Variants in P3H1 observed in about 807,000 individuals in gnomAD.
P3H1 encodes growth suppressor 1.
A neutral mutation model predicts 84.0 loss-of-function variants in P3H1; 69 were observed. That is an observed-to-expected ratio of 0.82 (90% CI 0.68 to 1.00). The LOEUF is 1.00. Ranked by LOEUF, P3H1 falls within the 50% of genes least tolerant of loss-of-function variation. The probability of loss-of-function intolerance (pLI) is 0.00; values close to 1 mark genes in which losing one functional copy is unlikely to be tolerated. For missense variants in P3H1, 878 were observed against 962.8 expected (o/e 0.91, Z 1.17); for synonymous variants, 366 against 388.8 (o/e 0.94, Z 0.69).
At chr1:42,765,263 C>T (rs1652928088) in intron 1 of P3H1, among the ~76,000 whole-genome samples, 1 of 152,208 alleles carries the variant, frequency 6.6e-6, no homozygotes, top group Non-Finnish European at 1.5e-5. Flanking sequence ...CTTCTTTCCT[C>T]TCCCCCTGGC....
Position 42,752,271 on chromosome 1 carries a change from T to C in P3H1, c.1569+3A>G, listed in dbSNP as rs76871760. ...ACTCTAGAATGCCCAGTGTTGATCT[T>C]ACCTTGAGGGCTTTGAAGACAGTGA... is the stretch of plus-strand genomic sequence containing the variant. On this transcript the variant is annotated splice_donor_region_variant and intron_variant, in intron 10 of 14. Coordinates refer to ENST00000296388, the MANE Select transcript of P3H1 (RefSeq NM_022356.4). The C allele has an allele frequency of 2.8e-3, 4,470 of 1,611,898 alleles. 114 individuals are homozygous for C. In the African/African-American group the frequency reaches 0.052, roughly 19 times the overall value.
intron 2 of P3H1, chr1:42,759,910 A>G (rs1039781478): frequency 2.5e-5 from 4 of 162,638 alleles, no homozygotes; most frequent in African/African-American, 9.7e-5. Flanking sequence ...AATCTAGATG[A>G]AAGATATCTA....
At chr1:42,753,949 T>C (rs1314135113) in intron 8 of P3H1, among the ~76,000 whole-genome samples, 2 of 149,740 alleles carry the variant, frequency 1.3e-5, no homozygotes, top group Admixed American at 6.7e-5. Context: ...AAGAAAGGCT[T>C]TGCAGGGTAT....
At chr1:42,755,320 C>G in intron 6 of P3H1, 103 bp from the exon 7 acceptor site, 1 of 1,184,890 alleles carries the variant, frequency 8.4e-7, no homozygotes, top group Non-Finnish European at 1.3e-6. Flanking sequence ...CAGCTTATCA[C>G]CCTCTTCCTT....
chr1:42,754,771 C>T lies in P3H1; in HGVS notation c.1345+98G>A, dbSNP rs1159679592. 40 of 1,533,716 alleles carry T rather than the reference C, an allele frequency of 2.6e-5. No homozygotes were observed. The highest frequency in any genetic ancestry group is 3.6e-5 in the Non-Finnish European group (40 of 1,111,276). On this transcript the variant is annotated intron_variant, in intron 8 of 14. Coordinates refer to ENST00000296388, the MANE Select transcript of P3H1 (RefSeq NM_022356.4). This position sits in a 1 kb window ranked among gnomAD's most constrained non-coding sequence, Gnocchi z 4.0. Reference sequence around the variant, plus strand: ...CTAAGGGTGGCTGGCTCATGGTGAGCTCTGCAATGCTGGGGTGGAGCGCTG... The same window carrying T: ...CTAAGGGTGGCTGGCTCATGGTGAGTTCTGCAATGCTGGGGTGGAGCGCTG...
Position 42,746,846 on chromosome 1 carries a change from C to T in P3H1, c.2062G>A (p.Val688Met). The change falls in exon 15 of 15, where the codon GTG (valine) becomes ATG (methionine). Residue 688 changes from valine to methionine, a missense_variant. By Grantham distance (21) the Val-to-Met change is conservative. Transcript: ENST00000296388. ...LDPRHSERDR[V>M]QADDLVKMLF... is the part of the protein sequence containing the mutation. The stretch of plus-strand genomic sequence containing the variant: ...ATCTTCACCAGGTCATCTGCCTGCA[C>T]CCTGTCCTGCAAGGACAAACCCCTG... 6.2e-7 allele frequency: 1 copy of T among 1,613,912 alleles called. No individual in the cohort carries two copies. The highest frequency in any genetic ancestry group is 8.5e-7 in the Non-Finnish European group (1 of 1,179,924).
chr1:42,750,389 C>T, intron 10 of P3H1, 53 bp from the exon 11 acceptor site: 1 of 1,603,582 alleles, frequency 6.2e-7, no homozygotes, highest in Admixed American at 1.7e-5. Context: ...TGGTTTGGCT[C>T]TGTGTCCCTA....
rs1653032744 is a variant in P3H1, at chr1:42,766,816, G to GCTCA, written c.155_156insTGAG (p.Gly53GlufsTer124). ...CCCGTTCCATGCTCAGGACCACCCC[G>GCTCA]GGCCAGTCCCCGCGCGCGTAGGCTG... is the stretch of plus-strand genomic sequence containing the variant. On this transcript the variant is annotated frameshift_variant, in exon 1 of 15. Coordinates refer to ENST00000296388, the MANE Select transcript of P3H1 (RefSeq NM_022356.4). LOFTEE classifies it high-confidence loss of function. The GCTCA allele has an allele frequency of 6.2e-7, 1 of 1,603,584 alleles. No individual in the cohort carries two copies. Among genetic ancestry groups the GCTCA allele is most frequent in the Non-Finnish European group, 8.5e-7 (1 of 1,179,650 alleles).
intron 10 of P3H1, among the ~76,000 whole-genome samples, chr1:42,750,732 G>A (rs1172776866): frequency 6.9e-6 from 1 of 145,866 alleles, no homozygotes; most frequent in East Asian, 2.0e-4. Flanking sequence ...CCCTGTCCGG[G>A]AGGTGAGGGG....
At chr1:42,757,437 A>T (rs766121759) in intron 5 of P3H1, among the ~76,000 whole-genome samples, 1 of 152,234 alleles carries the variant, frequency 6.6e-6, no homozygotes, top group Non-Finnish European at 1.5e-5. Flanking sequence ...AACAACCAGT[A>T]TTAAGTGAAA....
At chr1:42,748,616 A>C in intron 11 of P3H1, 1 of 406,574 alleles carries the variant, frequency 2.5e-6, no homozygotes, top group Non-Finnish European at 4.7e-6. Flanking sequence ...ACAAAATACA[A>C]AGGCCCAGGG....
Position 42,757,885 on chromosome 1 carries a change from G to A in P3H1, c.978C>T (p.Thr326=), listed in dbSNP as rs74070022. 2.2e-3 allele frequency: 3,526 copies of A among 1,614,188 alleles called. 60 individuals carry two copies. In the African/African-American group the frequency reaches 0.043, roughly 20 times the overall value. Reference sequence around the variant, plus strand: ...CGTCATTGGGGAAGAAGAGAAGATAGGTCTTGGCACATTCAACAGCCTGTG... The same window carrying A: ...CGTCATTGGGGAAGAAGAGAAGATAAGTCTTGGCACATTCAACAGCCTGTG... ...NYTQAVECAK[T]YLLFFPNDEV... Residue 326 remains threonine, a synonymous_variant, in exon 5 of 15, where the codon ACC becomes ACT. Coordinates refer to ENST00000296388, the MANE Select transcript of P3H1 (RefSeq NM_022356.4).
chr1:42,755,761 A>G (rs1265434084), intron 5 of P3H1, 124 bp from the exon 6 acceptor site: 2 of 723,498 alleles, frequency 2.8e-6, no homozygotes, highest in Non-Finnish European at 4.9e-6. Flanking sequence ...CTCCCTACCA[A>G]TGCTCTCTGT....
intron 12 of P3H1, 55 bp downstream of exon 12, chr1:42,748,145 T>C: frequency 1.5e-6 from 2 of 1,294,410 alleles, no homozygotes; most frequent in Non-Finnish European, 2.2e-6. Flanking sequence ...CAGGGCACTG[T>C]GGGGCCTCTG....
chr1:42,759,139 C>T, intron 3 of P3H1, 62 bp downstream of exon 3: 1 of 1,582,374 alleles, frequency 6.3e-7, no homozygotes, highest in Non-Finnish European at 8.7e-7. Context: ...TTTATATTAT[C>T]AGATGGTGAC....
In P3H1 at chr1:42,754,987, T is replaced by C. The variant is rs1023288107; in HGVS notation, c.1227A>G (p.Ser409=). 6.2e-7 allele frequency: 1 copy of C among 1,614,134 alleles called. No individual in the cohort carries two copies. Among genetic ancestry groups the C allele is most frequent in the African/African-American group, 1.3e-5 (1 of 74,952 alleles). ...IPKRLQEKQK[S]ERETAVRISQ... ...AGATGCGTACGGCTGTTTCCCGTTC[T>C]GACCTATGAGCACAGCCGCTCTGAG... Residue 409 remains serine (S), a synonymous_variant, in exon 8 of 15, where the codon TCA becomes TCG. Coordinates refer to ENST00000296388, the MANE Select transcript of P3H1 (RefSeq NM_022356.4). This position sits in a 1 kb window ranked among gnomAD's most constrained non-coding sequence, Gnocchi z 4.0.
In P3H1 at chr1:42,757,839, C is replaced by G. The variant is rs1330669236; in HGVS notation, c.1024G>C (p.Ala342Pro). The change falls in exon 5 of 15, where the codon GCC becomes CCC. Residue 342 changes from alanine to proline, a missense_variant. Ala to Pro is a conservative substitution (Grantham distance 27). Coordinates refer to ENST00000296388, the MANE Select transcript of P3H1 (RefSeq NM_022356.4). ...TCTCCAAGCATAGCTGCATAATAGG[C>G]CAAATTTTGGTTCATCACCTCGTCA... ...PNDEVMNQNL[A>P]YYAAMLGEEH... is the part of the protein sequence containing the mutation. 1 of 1,614,192 alleles carries G rather than the reference C, an allele frequency of 6.2e-7. No homozygotes were observed. The highest frequency in any genetic ancestry group is 1.1e-5 in the South Asian group (1 of 91,082).
chr1:42,762,223 A>G, intron 2 of P3H1, 100 bp downstream of exon 2: 3 of 1,239,268 alleles, frequency 2.4e-6, no homozygotes, highest in Non-Finnish European at 3.5e-6. Context: ...GTGAGCTATG[A>G]TCAAGCCACT....
At chr1:42,756,050 T>C (rs1182054526) in intron 5 of P3H1, among the ~76,000 whole-genome samples, 1 of 152,170 alleles carries the variant, frequency 6.6e-6, no homozygotes, top group Non-Finnish European at 1.5e-5. Flanking sequence ...ATTCATTTGA[T>C]CTTTTATAGC....
Sources: allele counts gnomAD v4.1 joint callset (sites outside exome capture counted in the v4.1 genomes callset), GRCh38; gene constraint gnomAD v4.1.1; non-coding constraint Gnocchi (gnomAD v3.1); transcripts MANE v1.5; gene names NCBI Gene and HGNC (gene_info 2026-07-23, HGNC 2026-07-21).